The following SLC4A10 variants were observed in gnomAD, a reference collection of about 807,000 sequenced individuals.
SLC4A10 encodes sodium-driven chloride bicarbonate exchanger.
In SLC4A10, 42 loss-of-function variants were observed where a neutral mutation model predicts 137.7. The ratio of observed to expected loss-of-function variants is 0.30; its 90% CI spans 0.24 to 0.39. The LOEUF (loss-of-function observed/expected upper bound fraction) is 0.39. Among genes scored for constraint, SLC4A10 ranks in the 10% least tolerant of loss-of-function variants. The pLI, the probability that SLC4A10 is intolerant of heterozygous loss-of-function variation, is 1.00. For missense variants in SLC4A10, 925 were observed against 1,355.0 expected, an observed-to-expected ratio of 0.68 and a Z score of 4.98; for synonymous variants, 474 against 464.1, an observed-to-expected ratio of 1.02 and a Z score of -0.27.
chr2:161,884,102 C>CAG (rs551237003), intron 10 of SLC4A10, among the ~76,000 whole-genome samples: 34 of 152,182 alleles, frequency 2.2e-4, no homozygotes, highest in African/African-American at 7.7e-4. Flanking sequence ...CCTGATTTAG[C>CAG]AGAACTCTCT....
intron 1 of SLC4A10, among the ~76,000 whole-genome samples, chr2:161,647,219 AT>A (rs1343545758): frequency 6.6e-6 from 1 of 152,000 alleles, no homozygotes; most frequent in Admixed American, 6.6e-5. Flanking sequence ...AGTTAACAAT[AT>A]TTACATGCCT....
chr2:161,777,967 T>C (rs1026365488), intron 2 of SLC4A10, among the ~76,000 whole-genome samples: 1 of 152,014 alleles, frequency 6.6e-6, no homozygotes, highest in African/African-American at 2.4e-5. Flanking sequence ...TTACACGTTA[T>C]AACCTGCATT....
At position 161,983,227 on chromosome 2, in the gene SLC4A10, C is replaced by T; in HGVS notation, c.*75C>T. On this transcript the variant is annotated 3_prime_UTR_variant, in exon 27 of 27. Coordinates refer to ENST00000446997, the MANE Select transcript of SLC4A10 (RefSeq NM_001178015.2). ...AAGCTGACTCAGGGAAAGGTGTTGACAGGGAGACTTGTCTATGACTCGATC... is the reference window on the plus strand; with the variant it reads ...AAGCTGACTCAGGGAAAGGTGTTGATAGGGAGACTTGTCTATGACTCGATC... The T allele has an allele frequency of 6.5e-7, 1 of 1,536,672 alleles. No homozygotes were observed. The highest frequency in any genetic ancestry group is 2.4e-5 in the East Asian group (1 of 40,908).
chr2:161,853,310 A>T (rs1369900395), intron 4 of SLC4A10, among the ~76,000 whole-genome samples: 1 of 152,178 alleles, frequency 6.6e-6, no homozygotes, highest in Non-Finnish European at 1.5e-5. Flanking sequence ...TGTATTAAAT[A>T]GTGACTTAGA....
At chr2:161,965,856 T>C (rs947030731) in intron 23 of SLC4A10, among the ~76,000 whole-genome samples, 11 of 152,118 alleles carry the variant, frequency 7.2e-5, no homozygotes, top group African/African-American at 2.7e-4. Context: ...AACATTTTTT[T>C]AAGTATATAA....
intron 1 of SLC4A10, among the ~76,000 whole-genome samples, chr2:161,644,753 G>T (rs908414554): frequency 7.9e-5 from 12 of 152,082 alleles, no homozygotes; most frequent in African/African-American, 2.9e-4. Flanking sequence ...CTTACCAATT[G>T]TTCTAGAGAT....
At chr2:161,823,028 A>G (rs573795271) in intron 3 of SLC4A10, among the ~76,000 whole-genome samples, 1 of 152,284 alleles carries the variant, frequency 6.6e-6, no homozygotes, top group East Asian at 1.9e-4. Context: ...GACATTTTGA[A>G]AAAACTCACA....
chr2:161,645,061 G>T (rs908224981), intron 1 of SLC4A10, among the ~76,000 whole-genome samples: 1 of 152,118 alleles, frequency 6.6e-6, no homozygotes, highest in Non-Finnish European at 1.5e-5. Flanking sequence ...AAGCAATTGA[G>T]AATTGGAAGA....
rs56159201 is a variant in SLC4A10, at chr2:161,945,182, G to GTA, written c.2104-2332_2104-2331dup. Among the ~76,000 whole-genome samples the GTA allele has an allele frequency of 3.0e-3, 264 of 88,750 alleles. 2 individuals are homozygous for GTA. Among genetic ancestry groups the GTA allele is most frequent in the Non-Finnish European group, 3.0e-3 (140 of 46,736 alleles). The allele number at this position is 88,750 out of a possible 152,430, so 58.2% of individuals were successfully genotyped here. ...CAAACTGGAGTACTTAAGTTTGTGT[G>GTA]TATATATATATATATATATATATAT... On this transcript the variant is annotated intron_variant, in intron 16 of 26. Coordinates refer to ENST00000446997, the MANE Select transcript of SLC4A10 (RefSeq NM_001178015.2).
At chr2:161,710,995 A>G (rs1233721488) in intron 1 of SLC4A10, among the ~76,000 whole-genome samples, 1 of 151,862 alleles carries the variant, frequency 6.6e-6, no homozygotes, top group Non-Finnish European at 1.5e-5. Context: ...TGAATCCTAG[A>G]AGGAGTTACA....
At chr2:161,901,057 A>G (rs1196651942) in intron 12 of SLC4A10, 46 bp downstream of exon 12, 14 of 1,348,596 alleles carry the variant, frequency 1.0e-5, no homozygotes, top group Non-Finnish European at 1.4e-5. Flanking sequence ...CAAATGACAT[A>G]CCATTCTTCT....
At chr2:161,681,958 T>A (rs2040902842) in intron 1 of SLC4A10, among the ~76,000 whole-genome samples, 1 of 152,186 alleles carries the variant, frequency 6.6e-6, no homozygotes, top group Non-Finnish European at 1.5e-5. Flanking sequence ...AAGTACAGTA[T>A]ACATTTAAAA....
chr2:161,933,187 CTTTCTT>C (rs915487173), intron 15 of SLC4A10, among the ~76,000 whole-genome samples: 3 of 19,122 alleles, frequency 1.6e-4, no homozygotes, highest in African/African-American at 6.1e-4. Context: ...TCCTTCTTTT[CTTTCTT>C]TCTTTCTTTC....
intron 1 of SLC4A10, among the ~76,000 whole-genome samples, chr2:161,690,220 A>T (rs888560710): frequency 1.3e-5 from 2 of 152,236 alleles, no homozygotes; most frequent in Admixed American, 1.3e-4. Flanking sequence ...ATAATTAGAG[A>T]AATGCAAATC....
intron 15 of SLC4A10, among the ~76,000 whole-genome samples, chr2:161,911,326 A>T (rs1050088074): frequency 2.6e-5 from 4 of 152,036 alleles, no homozygotes; most frequent in African/African-American, 9.7e-5. Flanking sequence ...AAAACTAATG[A>T]TGATTGAAAA....
chr2:161,941,821 T>A (rs554803536), intron 15 of SLC4A10, among the ~76,000 whole-genome samples: 1 of 152,170 alleles, frequency 6.6e-6, no homozygotes, highest in African/African-American at 2.4e-5. Flanking sequence ...GCTGACCTAC[T>A]GTTCCATCAT....
chr2:161,656,347 A>G (rs1057378283), intron 1 of SLC4A10, among the ~76,000 whole-genome samples: 1 of 152,222 alleles, frequency 6.6e-6, no homozygotes, highest in Non-Finnish European at 1.5e-5. Flanking sequence ...CTGTTTCAAC[A>G]TATTACTAAT....
At chr2:161,959,179 C>A (rs534573521) in intron 21 of SLC4A10, among the ~76,000 whole-genome samples, 1 of 152,242 alleles carries the variant, frequency 6.6e-6, no homozygotes, top group South Asian at 2.1e-4. Flanking sequence ...ATAGTGATAT[C>A]CCGGGGGTTT....
chr2:161,835,039 CTT>C (rs5835884), intron 3 of SLC4A10, among the ~76,000 whole-genome samples: 73,133 of 135,306 alleles, frequency 0.54, 18,834 homozygotes, highest in East Asian at 0.79. Flanking sequence ...GACTATATGT[CTT>C]TTTTTTTTTT....
Sources: allele counts gnomAD v4.1 joint callset (sites outside exome capture counted in the v4.1 genomes callset), GRCh38; gene constraint gnomAD v4.1.1; transcripts MANE v1.5; gene names NCBI Gene and HGNC (gene_info 2026-07-23, HGNC 2026-07-21).